PTPRD: variants seen among roughly 807,000 people sequenced by gnomAD.
The protein encoded by PTPRD is receptor-type tyrosine-protein phosphatase delta.
PTPRD carries 34 observed loss-of-function variants against 214.5 expected under a neutral mutation model. The ratio of observed to expected loss-of-function variants is 0.16; its 90% CI spans 0.12 to 0.21. The LOEUF (loss-of-function observed/expected upper bound fraction) is 0.21. Among genes scored for constraint, PTPRD ranks in the 10% least tolerant of loss-of-function variants. The pLI is 1.00. For missense variants in PTPRD, 2,545 were observed against 2,398.7 expected (o/e 1.06, Z -1.27); for synonymous variants, 1,128 against 845.7 (o/e 1.33, Z -5.79).
intron 11 of PTPRD, among the ~76,000 whole-genome samples, chr9:8,783,263 A>G (rs562642000): frequency 2.0e-5 from 3 of 152,364 alleles, no homozygotes; most frequent in Non-Finnish European, 4.4e-5. Flanking sequence ...AAGTGAATGA[A>G]TAATGACATA....
intron 11 of PTPRD, among the ~76,000 whole-genome samples, chr9:8,981,635 T>C (rs1016919487): frequency 6.6e-6 from 1 of 151,992 alleles, no homozygotes; most frequent in Non-Finnish European, 1.5e-5. Flanking sequence ...AGAAAAAAAA[T>C]GTATGAGCAA....
intron 11 of PTPRD, among the ~76,000 whole-genome samples, chr9:8,892,408 CACAA>C (rs2098547301): frequency 6.6e-6 from 1 of 151,894 alleles, no homozygotes; most frequent in African/African-American, 2.4e-5. Flanking sequence ...TTATTCATGC[CACAA>C]ACATTTTCCA....
intron 8 of PTPRD, among the ~76,000 whole-genome samples, chr9:9,518,923 A>G (rs1044993973): frequency 1.3e-5 from 2 of 152,006 alleles, no homozygotes; most frequent in Non-Finnish European, 2.9e-5. Context: ...CATACTTAAT[A>G]TGAATATGTA....
At chr9:10,174,322 A>G (rs2099232188) in intron 3 of PTPRD, among the ~76,000 whole-genome samples, 1 of 152,078 alleles carries the variant, frequency 6.6e-6, no homozygotes, top group East Asian at 1.9e-4. Flanking sequence ...GCTGACTGTT[A>G]AAAACAGCCT....
intron 6 of PTPRD, among the ~76,000 whole-genome samples, chr9:9,737,955 G>C (rs762546385): frequency 7.2e-5 from 11 of 152,040 alleles, no homozygotes; most frequent in Non-Finnish European, 8.8e-5. Flanking sequence ...AAGGCATAAG[G>C]TTTACAATTT....
intron 36 of PTPRD, among the ~76,000 whole-genome samples, chr9:8,399,013 C>G (rs1368401921): frequency 3.3e-5 from 5 of 151,874 alleles, no homozygotes; most frequent in African/African-American, 1.2e-4. Context: ...ACTTCTAACC[C>G]TCTCATGGAT....
chr9:10,478,912 T>C (rs908890682), intron 2 of PTPRD, among the ~76,000 whole-genome samples: 5 of 152,004 alleles, frequency 3.3e-5, no homozygotes, highest in Non-Finnish European at 7.4e-5. Flanking sequence ...ATTTCAAACC[T>C]AAAATATAAA....
chr9:9,030,744 CT>C (rs1393879075), intron 10 of PTPRD, among the ~76,000 whole-genome samples: 1 of 151,734 alleles, frequency 6.6e-6, no homozygotes, highest in African/African-American at 2.4e-5. Flanking sequence ...TGGAATCCAC[CT>C]TTATTAATTC....
intron 7 of PTPRD, among the ~76,000 whole-genome samples, chr9:9,611,322 A>C (rs1256507099): frequency 1.3e-5 from 2 of 152,174 alleles, no homozygotes; most frequent in Non-Finnish European, 1.5e-5. Flanking sequence ...TATGCCATAC[A>C]CATATCTCCA....
At chr9:9,674,135 T>C (rs1178308716) in intron 7 of PTPRD, among the ~76,000 whole-genome samples, 2 of 151,810 alleles carry the variant, frequency 1.3e-5, no homozygotes, top group Admixed American at 1.3e-4. Flanking sequence ...ATAGTATATT[T>C]GATTTGGGGA....
At chr9:9,115,021 G>C (rs1262278437) in intron 10 of PTPRD, among the ~76,000 whole-genome samples, 1 of 152,090 alleles carries the variant, frequency 6.6e-6, no homozygotes, top group Non-Finnish European at 1.5e-5. Flanking sequence ...CGTGTATAAG[G>C]TATCCAAACA....
chr9:8,548,858 C>G (rs1197199675), intron 14 of PTPRD, among the ~76,000 whole-genome samples: 2 of 151,422 alleles, frequency 1.3e-5, no homozygotes. Flanking sequence ...CCATGCCCAG[C>G]TAATTTTGTA....
chr9:10,365,436 T>G (rs1049275908), intron 2 of PTPRD, among the ~76,000 whole-genome samples: 1 of 152,232 alleles, frequency 6.6e-6, no homozygotes, highest in African/African-American at 2.4e-5. Flanking sequence ...ACACACTTTT[T>G]CTGTTCTGTC....
At chr9:10,023,947 A>C (rs2096872809) in intron 4 of PTPRD, among the ~76,000 whole-genome samples, 1 of 152,012 alleles carries the variant, frequency 6.6e-6, no homozygotes, top group Admixed American at 6.6e-5. Context: ...TATTTTTCAC[A>C]ATGACAGCTT....
At chr9:8,472,415 A>C (rs1164744556) in intron 30 of PTPRD, among the ~76,000 whole-genome samples, 1 of 152,158 alleles carries the variant, frequency 6.6e-6, no homozygotes, top group Non-Finnish European at 1.5e-5. Context: ...GAGGCCAGCA[A>C]GGCCTCTTTC....
At chr9:10,175,327 A>G (rs1445560448) in intron 3 of PTPRD, among the ~76,000 whole-genome samples, 1 of 152,078 alleles carries the variant, frequency 6.6e-6, no homozygotes, top group East Asian at 1.9e-4. Flanking sequence ...AAGAAAAAGC[A>G]TCTGGCTTAC....
At chr9:8,376,793 T>C in intron 37 of PTPRD, 67 bp from the exon 38 acceptor site, 3 of 1,595,596 alleles carry the variant, frequency 1.9e-6, no homozygotes, top group Non-Finnish European at 2.6e-6. Flanking sequence ...TTGCTTTGAG[T>C]TGCTGTTGAA....
At chr9:9,988,385 C>G (rs1046567504) in intron 4 of PTPRD, among the ~76,000 whole-genome samples, 2 of 152,136 alleles carry the variant, frequency 1.3e-5, no homozygotes, top group African/African-American at 4.8e-5. Context: ...ACTTTCCAGT[C>G]TTTACTAAAT....
chr9:10,036,886 T>G (rs201791796), intron 3 of PTPRD, among the ~76,000 whole-genome samples: 18 of 143,198 alleles, frequency 1.3e-4, no homozygotes, highest in South Asian at 6.3e-4. Context: ...TATTATTTAT[T>G]TATTTATTTA....
Sources: gnomAD v4.1 joint callset for allele counts (sites outside exome capture counted in the v4.1 genomes callset) on GRCh38, gnomAD v4.1.1 for gene constraint, MANE v1.5 for transcripts, NCBI Gene and HGNC (gene_info 2026-07-23, HGNC 2026-07-21) for gene names.